The following TRIM37 variants were observed in gnomAD, a reference collection of about 807,000 sequenced individuals.
TRIM37 encodes E3 ubiquitin-protein ligase TRIM37.
Under a neutral mutation model 129.8 loss-of-function variants are expected in TRIM37, and 80 were observed. That is an observed-to-expected ratio of 0.62 (90% CI 0.51 to 0.74). The LOEUF is 0.74. Among genes scored for constraint, TRIM37 ranks in the 30% least tolerant of loss-of-function variants. The probability of loss-of-function intolerance (pLI) is 0.00; values close to 1 mark genes in which losing one functional copy is unlikely to be tolerated. For missense variants in TRIM37, 1,054 were observed against 1,176.5 expected (o/e 0.90, Z 1.52); for synonymous variants, 389 against 387.1 (o/e 1.00, Z -0.06).
chr17:59,025,295 G>T (rs2037109554), intron 19 of TRIM37, among the ~76,000 whole-genome samples: 1 of 151,654 alleles, frequency 6.6e-6, no homozygotes, highest in Non-Finnish European at 1.5e-5. Context: ...AGTACCAGAA[G>T]AAATTAAGGG....
intron 21 of TRIM37, 118 bp from the exon 22 acceptor site, chr17:59,012,564 T>C (rs900102064): frequency 1.4e-6 from 1 of 725,980 alleles, no homozygotes; most frequent in African/African-American, 1.8e-5. Flanking sequence ...TAATACTAAA[T>C]TTCAAATTTT....
chr17:59,053,347 C>T (rs1162159178), intron 13 of TRIM37, among the ~76,000 whole-genome samples: 2 of 152,120 alleles, frequency 1.3e-5, no homozygotes, highest in African/African-American at 2.4e-5. Context: ...AAAGTTTGAG[C>T]AATGTCTCAT....
chr17:59,089,810 G>T (rs569339829), intron 3 of TRIM37, among the ~76,000 whole-genome samples: 16 of 152,254 alleles, frequency 1.1e-4, no homozygotes, highest in Admixed American at 3.9e-4. Context: ...GATAATGTAA[G>T]AAAGGTGGGA....
chr17:59,106,794 G>T lies in TRIM37; in HGVS notation c.-333C>A. ...GGCGCGCGCCTATGGAACTGACGGT[G>T]GAGTTCAGCGAAGAAGGTGCCGCAG... On this transcript the variant is annotated 5_prime_UTR_variant, in exon 1 of 24. Coordinates refer to ENST00000262294, the MANE Select transcript of TRIM37 (RefSeq NM_015294.6). 1 of 534,892 alleles carries T rather than the reference G, an allele frequency of 1.9e-6. No homozygotes were observed. The highest frequency in any genetic ancestry group is 3.3e-6 in the Non-Finnish European group (1 of 298,674). The allele number at this position is 534,892 out of a possible 1,614,324, so 33.1% of individuals were successfully genotyped here.
chr17:59,106,579 G>C lies in TRIM37; in HGVS notation c.-118C>G, dbSNP rs1049502084. Reference sequence around the variant, plus strand: ...GATAAAAGCCCGGCGCCCACGTCAGGGGGCTCTGACAACCGCCCCACCTGC... The same window carrying C: ...GATAAAAGCCCGGCGCCCACGTCAGCGGGCTCTGACAACCGCCCCACCTGC... On this transcript the variant is annotated 5_prime_UTR_variant, in exon 1 of 24. Coordinates refer to ENST00000262294, the MANE Select transcript of TRIM37 (RefSeq NM_015294.6). 3.9e-6 allele frequency: 5 copies of C among 1,285,980 alleles called. No homozygotes were observed. The highest frequency in any genetic ancestry group is 5.5e-6 in the Non-Finnish European group (5 of 906,922). The allele number at this position is 1,285,980 out of a possible 1,614,324, so 79.7% of individuals were successfully genotyped here.
intron 23 of TRIM37, among the ~76,000 whole-genome samples, chr17:59,000,804 A>C (rs1237723646): frequency 6.6e-6 from 1 of 152,200 alleles, no homozygotes; most frequent in African/African-American, 2.4e-5. Context: ...AAAAGGAAAA[A>C]AAACCCAAAC....
downstream of TRIM37, among the ~76,000 whole-genome samples, chr17:58,996,127 C>T (rs1403908101): frequency 2.0e-5 from 3 of 152,070 alleles, no homozygotes; most frequent in Non-Finnish European, 1.5e-5. Context: ...TCCTCACAGA[C>T]ACCATCTTAA....
Position 58,999,014 on chromosome 17 carries a change from A to G in TRIM37, c.*363T>C. On this transcript the variant is annotated 3_prime_UTR_variant, in exon 24 of 24. Coordinates refer to ENST00000262294, the MANE Select transcript of TRIM37 (RefSeq NM_015294.6). Reference sequence around the variant, plus strand: ...TCTAGCCAAAGACAGTAGAGCACCAATGCCGGGCGGGTTACTGACGGCATG... The same window carrying G: ...TCTAGCCAAAGACAGTAGAGCACCAGTGCCGGGCGGGTTACTGACGGCATG... 8.9e-7 allele frequency: 1 copy of G among 1,126,226 alleles called. No homozygotes were observed. The highest frequency in any genetic ancestry group is 1.1e-6 in the Non-Finnish European group (1 of 913,572). The allele number at this position is 1,126,226 out of a possible 1,614,324, so 69.8% of individuals were successfully genotyped here. A position where few individuals can be genotyped will look rare whatever the true frequency, so the allele number is the denominator to read the frequency against.
At chr17:59,032,332 T>C (rs375382172) in intron 17 of TRIM37, among the ~76,000 whole-genome samples, 6 of 151,320 alleles carry the variant, frequency 4.0e-5, no homozygotes, top group East Asian at 3.9e-4. Context: ...GAGACCATCC[T>C]GGCTAACAAG....
intron 19 of TRIM37, among the ~76,000 whole-genome samples, chr17:59,020,136 TAGG>T (rs1567992823): frequency 5.8e-5 from 8 of 137,764 alleles, no homozygotes; most frequent in African/African-American, 8.3e-5. Flanking sequence ...GAGGCTGAGG[TAGG>T]AGAAGTGCTT....
At chr17:58,995,724 C>T (rs183497082), downstream of TRIM37, among the ~76,000 whole-genome samples, 3 of 152,284 alleles carry the variant, frequency 2.0e-5, no homozygotes, top group Admixed American at 2.0e-4. Context: ...CTACTAGGTG[C>T]TAAAATTCGT....
rs182346107 is a variant in TRIM37 at position 59,106,664 on chromosome 17, G to C, written c.-203C>G. The C allele has an allele frequency of 3.1e-6, 2 of 641,314 alleles. No homozygotes were observed. The highest frequency in any genetic ancestry group is 5.5e-6 in the Non-Finnish European group (2 of 365,790). 39.7% of individuals were successfully genotyped at this position (641,314 alleles called of 1,614,324 possible). A position where few individuals can be genotyped will look rare whatever the true frequency, so the allele number is the denominator to read the frequency against. On this transcript the variant is annotated 5_prime_UTR_variant, in exon 1 of 24. Transcript: ENST00000262294. ...CCCATTTCGCCATTTTTACCGGCGC[G>C]CCCGCCCCGAGGCGCAGAAGTAGGG...
intron 24 of TRIM37, among the ~76,000 whole-genome samples, chr17:58,986,962 AAT>A (rs1300121517): frequency 1.3e-5 from 2 of 152,082 alleles, no homozygotes; most frequent in African/African-American, 4.8e-5. Flanking sequence ...CCAACTGTTG[AAT>A]ATGTTTAGTA....
downstream of TRIM37, among the ~76,000 whole-genome samples, chr17:58,996,854 A>G (rs2033070359): frequency 6.6e-6 from 1 of 151,846 alleles, no homozygotes; most frequent in African/African-American, 2.4e-5. Flanking sequence ...TTATATATCA[A>G]CATCATATCC....
At chr17:59,079,474 A>G (rs534559532) in intron 7 of TRIM37, among the ~76,000 whole-genome samples, 1 of 152,296 alleles carries the variant, frequency 6.6e-6, no homozygotes, top group African/African-American at 2.4e-5. Context: ...ATTCTGTTAG[A>G]TTTGGAGAAA....
intron 15 of TRIM37, 45 bp from the exon 16 acceptor site, chr17:59,047,864 T>C (rs2039974915): frequency 1.9e-6 from 3 of 1,610,222 alleles, no homozygotes; most frequent in Non-Finnish European, 2.5e-6. Flanking sequence ...CAAATGTTTC[T>C]ACTCAGTTGA....
At chr17:59,003,989 G>A (rs1175386381) in intron 22 of TRIM37, among the ~76,000 whole-genome samples, 1 of 149,530 alleles carries the variant, frequency 6.7e-6, no homozygotes, top group Non-Finnish European at 1.5e-5. Flanking sequence ...ACCTGTAATT[G>A]TCCTAGCTAC....
intron 2 of TRIM37, among the ~76,000 whole-genome samples, chr17:59,093,668 G>A (rs1181820594): frequency 2.0e-5 from 3 of 152,144 alleles, no homozygotes; most frequent in South Asian, 2.1e-4. Flanking sequence ...TAACCAGATC[G>A]TATTTTAAAT....
chr17:58,986,501 TG>T, intron 24 of TRIM37, among the ~76,000 whole-genome samples: 1 of 126,800 alleles, frequency 7.9e-6, no homozygotes, highest in Non-Finnish European at 1.7e-5. Flanking sequence ...AGTTTCCATC[TG>T]TCTTTTTTTT....
Sources: gnomAD v4.1 joint callset for allele counts (sites outside exome capture counted in the v4.1 genomes callset) on GRCh38, gnomAD v4.1.1 for gene constraint, MANE v1.5 for transcripts, NCBI Gene and HGNC (gene_info 2026-07-23, HGNC 2026-07-21) for gene names.